Variants in CSMD1 observed in about 807,000 individuals in gnomAD.
The protein encoded by CSMD1 is CUB and sushi domain-containing protein 1.
In CSMD1, 213 loss-of-function variants were observed where a neutral mutation model predicts 417.5. The ratio of observed to expected loss-of-function variants is 0.51; its 90% CI spans 0.46 to 0.57. The LOEUF (loss-of-function observed/expected upper bound fraction) is 0.57, where lower values mean the gene tolerates loss of function less well. CSMD1 is among the 20% of genes least tolerant of loss of function. CSMD1 has a pLI of 0.00. For synonymous variants in CSMD1, 2,862 were observed against 1,736.8 expected (o/e 1.65, Z -16.11); for missense variants, 6,923 against 4,529.7 (o/e 1.53, Z -15.17).
intron 2 of CSMD1, among the ~76,000 whole-genome samples, chr8:4,472,104 A>G (rs1301684729): frequency 6.6e-6 from 1 of 152,192 alleles, no homozygotes. Flanking sequence ...TCTGTTCTAA[A>G]GAATGCTTTA....
At chr8:4,924,641 G>A (rs1348230667) in intron 1 of CSMD1, among the ~76,000 whole-genome samples, 1 of 125,856 alleles carries the variant, frequency 7.9e-6, no homozygotes, top group East Asian at 2.7e-4. Flanking sequence ...AGAATTACTT[G>A]AAACTGGGAG....
chr8:4,556,062 T>C (rs1183360496), intron 2 of CSMD1, among the ~76,000 whole-genome samples: 1 of 152,100 alleles, frequency 6.6e-6, no homozygotes, highest in African/African-American at 2.4e-5. Context: ...TATTTTAGTT[T>C]AAATTTCTCG....
chr8:4,146,500 T>A (rs1346789208), intron 3 of CSMD1, among the ~76,000 whole-genome samples: 1 of 149,792 alleles, frequency 6.7e-6, no homozygotes. Flanking sequence ...TCCTCAGACG[T>A]TGTGATGTGC....
intron 10 of CSMD1, among the ~76,000 whole-genome samples, chr8:3,497,435 C>A (rs1400684160): frequency 2.0e-5 from 3 of 152,102 alleles, no homozygotes; most frequent in Admixed American, 6.5e-5. Context: ...TAGACACAGT[C>A]TTGCTCTGTC....
intron 1 of CSMD1, among the ~76,000 whole-genome samples, chr8:4,699,016 A>G (rs557853275): frequency 8.6e-5 from 13 of 151,820 alleles, no homozygotes; most frequent in African/African-American, 1.2e-4. Flanking sequence ...TCCACTATCT[A>G]TGCCTTTCAT....
chr8:3,768,589 C>T (rs1048057575), intron 5 of CSMD1, among the ~76,000 whole-genome samples: 2 of 152,184 alleles, frequency 1.3e-5, no homozygotes, highest in African/African-American at 2.4e-5. Context: ...TTAAGTTCAA[C>T]ACAGAGTGTA....
chr8:3,221,470 C>G (rs746682986), intron 28 of CSMD1, among the ~76,000 whole-genome samples: 4 of 152,024 alleles, frequency 2.6e-5, no homozygotes, highest in African/African-American at 4.8e-5. Context: ...CAATATTTGG[C>G]TTAGTTAATT....
At chr8:4,301,701 C>G (rs959223067) in intron 3 of CSMD1, among the ~76,000 whole-genome samples, 1 of 152,182 alleles carries the variant, frequency 6.6e-6, no homozygotes, top group African/African-American at 2.4e-5. Context: ...ATTTTTCTTG[C>G]AAATTGATGT....
At chr8:3,780,259 C>T (rs1563072492) in intron 5 of CSMD1, among the ~76,000 whole-genome samples, 1 of 152,188 alleles carries the variant, frequency 6.6e-6, no homozygotes, top group Non-Finnish European at 1.5e-5. Context: ...TTCTTCCATG[C>T]TCAGAAATAC....
chr8:3,413,037 A>G (rs1377528630), intron 12 of CSMD1, among the ~76,000 whole-genome samples: 1 of 152,158 alleles, frequency 6.6e-6, no homozygotes, highest in Non-Finnish European at 1.5e-5. Context: ...ACTGTGATCA[A>G]TTTAGTCTCA....
At chr8:3,813,006 A>T (rs1264222136) in intron 5 of CSMD1, among the ~76,000 whole-genome samples, 1 of 151,932 alleles carries the variant, frequency 6.6e-6, no homozygotes, top group African/African-American at 2.4e-5. Context: ...TAACTCTTAG[A>T]TTACTTAATG....
chr8:3,494,670 C>T (rs976964153), intron 10 of CSMD1, among the ~76,000 whole-genome samples: 2 of 139,552 alleles, frequency 1.4e-5, no homozygotes, highest in African/African-American at 2.6e-5. Flanking sequence ...AAATGACAGA[C>T]GATACACAGA....
At chr8:3,783,248 G>C (rs1799274676) in intron 5 of CSMD1, among the ~76,000 whole-genome samples, 1 of 152,144 alleles carries the variant, frequency 6.6e-6, no homozygotes, top group African/African-American at 2.4e-5. Context: ...TACTGTGTAG[G>C]TGCTCCCGGA....
chr8:3,191,767 A>C (rs1286783642), intron 33 of CSMD1, among the ~76,000 whole-genome samples: 2 of 152,210 alleles, frequency 1.3e-5, no homozygotes, highest in Non-Finnish European at 2.9e-5. Flanking sequence ...CCATCACACT[A>C]GGCAAACTCT....
chr8:4,428,130 C>T (rs1797669738), intron 2 of CSMD1, among the ~76,000 whole-genome samples: 1 of 152,172 alleles, frequency 6.6e-6, no homozygotes, highest in African/African-American at 2.4e-5. Flanking sequence ...TGTTTTCCTC[C>T]TCTCCAAAGC....
At chr8:4,507,235 G>C (rs951595907) in intron 2 of CSMD1, among the ~76,000 whole-genome samples, 1 of 152,138 alleles carries the variant, frequency 6.6e-6, no homozygotes, top group Non-Finnish European at 1.5e-5. Flanking sequence ...AGATACCCAT[G>C]CAAAAGTTAG....
intron 5 of CSMD1, among the ~76,000 whole-genome samples, chr8:3,779,967 C>G (rs1291408978): frequency 1.3e-5 from 2 of 152,200 alleles, no homozygotes; most frequent in Non-Finnish European, 2.9e-5. Flanking sequence ...AAGCTTAAAT[C>G]AACCAAAAGA....
intron 1 of CSMD1, among the ~76,000 whole-genome samples, chr8:4,865,863 A>T (rs1802396543): frequency 6.6e-6 from 1 of 151,866 alleles, no homozygotes; most frequent in Non-Finnish European, 1.5e-5. Flanking sequence ...TATTTTTTCC[A>T]TTTAATTTTA....
chr8:4,271,100 C>G (rs890817832), intron 3 of CSMD1, among the ~76,000 whole-genome samples: 1 of 152,158 alleles, frequency 6.6e-6, no homozygotes, highest in Non-Finnish European at 1.5e-5. Context: ...AAAGTCCACT[C>G]CTTTTATTAT....
Sources: allele counts gnomAD v4.1 joint callset (sites outside exome capture counted in the v4.1 genomes callset), GRCh38; gene constraint gnomAD v4.1.1; transcripts MANE v1.5; gene names NCBI Gene and HGNC (gene_info 2026-07-23, HGNC 2026-07-21).